The following PALLD variants were observed in gnomAD, a reference collection of about 807,000 sequenced individuals.
PALLD encodes the protein palladin, cytoskeletal associated protein, also known as palladin.
In PALLD, 61 loss-of-function variants were observed where a neutral mutation model predicts 123.5. The ratio of observed to expected loss-of-function variants is 0.49; its 90% CI spans 0.40 to 0.61. PALLD has a LOEUF of 0.61. PALLD is among the 20% of genes least tolerant of loss of function. The pLI is 0.00. For missense variants in PALLD, 1,273 were observed against 1,377.0 expected (o/e 0.92, Z 1.20); for synonymous variants, 465 against 496.4 (o/e 0.94, Z 0.84).
In PALLD at chr4:168,624,378, C is replaced by T. The variant is rs532064772; in HGVS notation, c.909-43812C>T. Reference sequence around the variant, plus strand: ...CCAAAAAGAGCATTTGGACAAAAGTCAATACTCACACCTGATCCACCCCCC... The same window carrying T: ...CCAAAAAGAGCATTTGGACAAAAGTTAATACTCACACCTGATCCACCCCCC... On this transcript the variant is annotated intron_variant, in intron 2 of 21. Transcript: ENST00000505667. 2.6e-5 allele frequency among the ~76,000 whole-genome samples: 4 copies of T among 152,136 alleles called. No homozygotes were observed. The East Asian group carries it at 5.8e-4, about 22-fold the overall frequency.
Position 168,927,126 on chromosome 4 carries a change from C to A in PALLD, c.*946C>A, listed in dbSNP as rs76997292. The A allele has an allele frequency of 2.9e-3, 668 of 226,476 alleles. 15 individuals carry two copies. In the East Asian group the frequency reaches 0.04, roughly 14 times the overall value. The allele number at this position is 226,476 out of a possible 1,614,324, so 14.0% of individuals were successfully genotyped here. On this transcript the variant is annotated 3_prime_UTR_variant, in exon 22 of 22. Transcript: ENST00000505667. ...CTCTGAATAAAGCAGAAATATATTA[C>A]AGTTCATTCCACAGAAAGCATCCAA...
chr4:168,623,009 C>T (rs1774909314), intron 2 of PALLD, among the ~76,000 whole-genome samples: 1 of 152,234 alleles, frequency 6.6e-6, no homozygotes, highest in Non-Finnish European at 1.5e-5. Context: ...AGCCCACTAT[C>T]AAGGTACTTA....
At chr4:168,507,879 G>A (rs1762158742) in intron 1 of PALLD, among the ~76,000 whole-genome samples, 1 of 152,144 alleles carries the variant, frequency 6.6e-6, no homozygotes, top group South Asian at 2.1e-4. Context: ...GAAATGCTTA[G>A]TAGAATTACC....
intron 2 of PALLD, among the ~76,000 whole-genome samples, chr4:168,541,282 T>G (rs1270440783): frequency 6.6e-6 from 1 of 152,180 alleles, no homozygotes; most frequent in Non-Finnish European, 1.5e-5. Flanking sequence ...TGCTTTTTTC[T>G]CATATGAGAA....
chr4:168,657,427 G>T lies in PALLD; in HGVS notation c.909-10763G>T, dbSNP rs1778692233. On this transcript the variant is annotated intron_variant, in intron 2 of 21. Transcript: ENST00000505667. ...CCATTCCTTGCATTTCACGAATAAG[G>T]AAACTATAACCCCAAATGAGAGACT... is the stretch of plus-strand genomic sequence containing the variant. 2.0e-5 allele frequency among the ~76,000 whole-genome samples: 3 copies of T among 152,176 alleles called. 1 individual carries two copies. In the South Asian group the frequency reaches 6.2e-4, roughly 32 times the overall value.
intron 10 of PALLD, among the ~76,000 whole-genome samples, chr4:168,736,330 G>A (rs1171429088): frequency 1.3e-5 from 2 of 152,162 alleles, no homozygotes; most frequent in Admixed American, 6.5e-5. Flanking sequence ...GCTTAGGCCT[G>A]GGTCAGTAGC....
intron 10 of PALLD, among the ~76,000 whole-genome samples, chr4:168,884,968 G>A (rs1373373113): frequency 6.6e-6 from 1 of 152,220 alleles, no homozygotes; most frequent in African/African-American, 2.4e-5. Flanking sequence ...TTTTACAAAG[G>A]AGGAAACTGA....
At chr4:168,623,600 C>G (rs1216579322) in intron 2 of PALLD, among the ~76,000 whole-genome samples, 1 of 152,118 alleles carries the variant, frequency 6.6e-6, no homozygotes, top group African/African-American at 2.4e-5. Flanking sequence ...GAAGGAAGCC[C>G]TGTACAAGAG....
At chr4:168,679,070 T>G (rs1781190765) in intron 3 of PALLD, among the ~76,000 whole-genome samples, 1 of 116,064 alleles carries the variant, frequency 8.6e-6, no homozygotes, top group African/African-American at 3.6e-5. Context: ...GCGTGTGTGG[T>G]GGGGTGAGTA....
rs570545605 is a variant in PALLD at position 168,611,763 on chromosome 4, T to C, written c.909-56427T>C. ...CACGGATTTTTCTTCTTTCTGGTAGTACATGTTTCTCACCAGCAGTCTTAA... is the reference window on the plus strand; with the variant it reads ...CACGGATTTTTCTTCTTTCTGGTAGCACATGTTTCTCACCAGCAGTCTTAA... On this transcript the variant is annotated intron_variant, in intron 2 of 21. Coordinates refer to ENST00000505667, the MANE Select transcript of PALLD (RefSeq NM_001166108.2). Among the ~76,000 whole-genome samples the C allele has an allele frequency of 2.2e-4, 34 of 152,326 alleles. No homozygotes were observed. In the East Asian group the frequency reaches 5.0e-3, roughly 22 times the overall value.
chr4:168,687,018 A>G (rs1057280640), intron 6 of PALLD, among the ~76,000 whole-genome samples: 2 of 152,252 alleles, frequency 1.3e-5, no homozygotes, highest in Admixed American at 1.3e-4. Context: ...TGAATTCTTC[A>G]GCAGAGGTGA....
intron 2 of PALLD, among the ~76,000 whole-genome samples, chr4:168,632,546 A>C (rs1775934812): frequency 6.6e-6 from 1 of 152,126 alleles, no homozygotes; most frequent in Admixed American, 6.5e-5. Context: ...TTCTTTGTCT[A>C]ACCAAATCCA....
intron 10 of PALLD, among the ~76,000 whole-genome samples, chr4:168,764,515 T>C (rs1424003633): frequency 6.6e-6 from 1 of 152,046 alleles, no homozygotes; most frequent in Non-Finnish European, 1.5e-5. Context: ...ATTCCTGGGC[T>C]CAAGAGATTC....
intron 2 of PALLD, among the ~76,000 whole-genome samples, chr4:168,610,910 C>A (rs1327393291): frequency 1.3e-5 from 2 of 152,178 alleles, no homozygotes; most frequent in Non-Finnish European, 2.9e-5. Context: ...CTCTTTGCCA[C>A]AACTAATAAA....
chr4:168,511,546 C>T lies in PALLD; in HGVS notation c.42C>T (p.Leu14=). Residue 14 remains leucine, a synonymous_variant, in exon 2 of 22, where the codon CTC becomes CTT. Transcript: ENST00000505667. ...CCCATGAGTCCTTCTATGACTCCCT[C>T]TCAGACATGCAGGAAGAAAGCAAGA... ...TSSHESFYDS[L]SDMQEESKNT... 1 of 1,614,098 alleles carries T rather than the reference C, an allele frequency of 6.2e-7. No individual in the cohort carries two copies. The highest frequency in any genetic ancestry group is 1.7e-5 in the Admixed American group (1 of 60,028).
At chr4:168,631,159 C>T (rs966653302) in intron 2 of PALLD, among the ~76,000 whole-genome samples, 2 of 152,084 alleles carry the variant, frequency 1.3e-5, no homozygotes, top group South Asian at 2.1e-4. Context: ...TGCAGTAAGG[C>T]GGCATCAGAG....
chr4:168,797,733 C>A (rs1738713956), intron 10 of PALLD, among the ~76,000 whole-genome samples: 1 of 152,036 alleles, frequency 6.6e-6, no homozygotes, highest in South Asian at 2.1e-4. Flanking sequence ...ATATCAGAGA[C>A]CAAATGAGAA....
chr4:168,620,307 T>C (rs573547220), intron 2 of PALLD, among the ~76,000 whole-genome samples: 10 of 152,166 alleles, frequency 6.6e-5, no homozygotes, highest in African/African-American at 2.2e-4. Flanking sequence ...ATACAAAAAT[T>C]ACCCAGGCGT....
intron 10 of PALLD, among the ~76,000 whole-genome samples, chr4:168,811,059 A>G (rs1408521641): frequency 6.6e-6 from 1 of 152,222 alleles, no homozygotes; most frequent in African/African-American, 2.4e-5. Context: ...GTTGAAAGAC[A>G]TGAGATTTGG....
Sources: allele counts gnomAD v4.1 joint callset (sites outside exome capture counted in the v4.1 genomes callset), GRCh38; gene constraint gnomAD v4.1.1; transcripts MANE v1.5; gene names NCBI Gene and HGNC (gene_info 2026-07-23, HGNC 2026-07-21).